The following PRDM12 variants were observed in gnomAD, a reference collection of about 807,000 sequenced individuals.
The protein encoded by PRDM12 is PR/SET domain 12, also known as PR domain zinc finger protein 12.
In PRDM12, 17 loss-of-function variants were observed where a neutral mutation model predicts 29.6. That is an observed-to-expected ratio of 0.57 (90% CI 0.39 to 0.86). The LOEUF is 0.86. Among genes scored for constraint, PRDM12 ranks in the 40% least tolerant of loss-of-function variants. The pLI, the probability that PRDM12 is intolerant of heterozygous loss-of-function variation, is 0.00. For missense variants in PRDM12, 422 were observed against 510.8 expected, an observed-to-expected ratio of 0.83 and a Z score of 1.68; for synonymous variants, 231 against 225.8, an observed-to-expected ratio of 1.02 and a Z score of -0.21.
At chr9:130,666,986 C>T (rs1830740108) in intron 2 of PRDM12, among the ~76,000 whole-genome samples, 188 bp downstream of exon 2, 1 of 152,218 alleles carries the variant, frequency 6.6e-6, no homozygotes. Flanking sequence ...CTAGGCTCCT[C>T]CCAACCCGTG....
At chr9:130,678,379 C>T (rs569090089) in intron 3 of PRDM12, 150 bp from the exon 4 acceptor site, 86 of 599,568 alleles carry the variant, frequency 1.4e-4, no homozygotes, top group African/African-American at 1.3e-3. Context: ...TGCAGCTTCC[C>T]GGGACAGCTC....
intron 3 of PRDM12, among the ~76,000 whole-genome samples, chr9:130,673,342 A>C (rs1830806007): frequency 6.6e-6 from 1 of 152,108 alleles, no homozygotes; most frequent in Non-Finnish European, 1.5e-5. Context: ...TGATAGTAGA[A>C]GTTTGTTGAT....
chr9:130,680,650 TATA>T (rs1830888653), intron 4 of PRDM12, among the ~76,000 whole-genome samples: 2 of 85,056 alleles, frequency 2.4e-5, no homozygotes, highest in African/African-American at 6.0e-5. Context: ...TATATATATA[TATA>T]TATATATTTT....
At chr9:130,672,921 A>C (rs10121842) in intron 3 of PRDM12, among the ~76,000 whole-genome samples, 102,901 of 152,022 alleles carry the variant, frequency 0.68, 35,650 homozygotes, top group East Asian at 0.99. Flanking sequence ...GAAAGTGGGG[A>C]AGGACAGATC....
chr9:130,664,684 C>G lies in PRDM12; in HGVS notation c.31C>G (p.Leu11Val). 1 of 1,605,646 alleles carries G rather than the reference C, an allele frequency of 6.2e-7. No homozygotes were observed. The highest frequency in any genetic ancestry group is 1.1e-5 in the South Asian group (1 of 90,220). ...GGGCTCCGTGCTCCCGGCTGAGGCCCTGGTGCTCAAGACCGGGCTGAAGGC... is the reference window on the plus strand; with the variant it reads ...GGGCTCCGTGCTCCCGGCTGAGGCCGTGGTGCTCAAGACCGGGCTGAAGGC... MMGSVLPAEA[L>V]VLKTGLKAPG... Residue 11 changes from leucine (L) to valine (V), a missense_variant, in exon 1 of 5, where the codon CTG becomes GTG. Around this residue, in one of 5 missense-constraint regions of PRDM12, gnomAD observed 300 missense variants for 350.0 expected, o/e 0.86. Coordinates refer to ENST00000253008, the MANE Select transcript of PRDM12 (RefSeq NM_021619.3). This position sits in a 1 kb window ranked among gnomAD's most constrained non-coding sequence, Gnocchi z 6.4.
intron 3 of PRDM12, among the ~76,000 whole-genome samples, chr9:130,672,547 C>T (rs1464038787): frequency 6.6e-6 from 1 of 152,168 alleles, no homozygotes; most frequent in Admixed American, 6.5e-5. Context: ...CTGTTACTAT[C>T]CTCATTTTTA....
chr9:130,677,085 G>A (rs1337869442), intron 3 of PRDM12, among the ~76,000 whole-genome samples: 2 of 152,168 alleles, frequency 1.3e-5, no homozygotes, highest in Non-Finnish European at 2.9e-5. Flanking sequence ...CACCGCGCCT[G>A]GCTAATTTTT....
At chr9:130,680,659 A>ATATATATATATATATATATTTTTTT in intron 4 of PRDM12, among the ~76,000 whole-genome samples, 1 of 72,172 alleles carries the variant, frequency 1.4e-5, no homozygotes, top group Non-Finnish European at 2.2e-5. Context: ...ATATATATAT[A>ATATATATATATATATATATTTTTTT]TTTTTTTTTT....
At chr9:130,675,445 G>A (rs998842696) in intron 3 of PRDM12, among the ~76,000 whole-genome samples, 3 of 152,182 alleles carry the variant, frequency 2.0e-5, no homozygotes, top group African/African-American at 7.2e-5. Flanking sequence ...GCTGGACACT[G>A]AAGACAGAAC....
intron 1 of PRDM12, among the ~76,000 whole-genome samples, chr9:130,665,209 A>T (rs1003823908): frequency 3.3e-5 from 5 of 151,846 alleles, no homozygotes; most frequent in Admixed American, 3.3e-4. Flanking sequence ...ATAGCAGTTG[A>T]CTCAAAAAGA....
At position 130,668,041 on chromosome 9, in the gene PRDM12, C is replaced by T; in HGVS notation, c.415-117C>T. On this transcript the variant is annotated intron_variant, in intron 2 of 4. Coordinates refer to ENST00000253008, the MANE Select transcript of PRDM12 (RefSeq NM_021619.3). The surrounding 1 kb of genome is among the most constrained non-coding windows in gnomAD (Gnocchi z 4.0). ...TCCTTTCTTCAGTGGGAAAATGAAG[C>T]TTTATCCACTTCCTGGGGCTGTTGT... The T allele has an allele frequency of 1.5e-6, 2 of 1,317,654 alleles. No individual in the cohort carries two copies. Among genetic ancestry groups the T allele is most frequent in the South Asian group, 1.4e-5 (1 of 71,806 alleles). The allele number at this position is 1,317,654 out of a possible 1,614,324, so 81.6% of individuals were successfully genotyped here. A position where few individuals can be genotyped will look rare whatever the true frequency, so the allele number is the denominator to read the frequency against.
At position 130,681,658 on chromosome 9, in the gene PRDM12, A is replaced by G. The variant is rs1344661944; in HGVS notation, c.1093A>G (p.Met365Val). The G allele has an allele frequency of 2.0e-6, 2 of 977,720 alleles. No homozygotes were observed. The highest frequency in any genetic ancestry group is 1.8e-5 in the African/African-American group (1 of 56,006). The allele number at this position is 977,720 out of a possible 1,614,324, so 60.6% of individuals were successfully genotyped here. A position where few individuals can be genotyped will look rare whatever the true frequency, so the allele number is the denominator to read the frequency against. ...AAAAAHHLPAMVL is the reference protein window; with the variant it reads ...AAAAAHHLPAVVL ...CGCCGCCGCGCACCACCTGCCGGCCATGGTGCTGTGAGCGCGCCCGCGCCC... is the reference window on the plus strand; with the variant it reads ...CGCCGCCGCGCACCACCTGCCGGCCGTGGTGCTGTGAGCGCGCCCGCGCCC... The change falls in exon 5 of 5, where the codon ATG becomes GTG. Residue 365 changes from methionine to valine, a missense_variant. Transcript: ENST00000253008. The surrounding 1 kb of genome is among the most constrained non-coding windows in gnomAD (Gnocchi z 8.1).
rs551462017 is a variant in PRDM12 at position 130,665,745 on chromosome 9, C to T, written c.224-863C>T. On this transcript the variant is annotated intron_variant, in intron 1 of 4. Transcript: ENST00000253008. ...CAGCGTGACAAATTGCCCGCCGCGC[C>T]GCAATGGACACCGTTTAACCCCCCC... is the stretch of plus-strand genomic sequence containing the variant. Among the ~76,000 whole-genome samples, 20 of 152,304 alleles carry T rather than the reference C, an allele frequency of 1.3e-4. 1 individual carries two copies. In the South Asian group the frequency reaches 3.9e-3, roughly 30 times the overall value.
rs1308979506 is a variant in PRDM12, at chr9:130,664,778, G to T, written c.125G>T (p.Arg42Leu). Residue 42 changes from arginine (R) to leucine (L), a missense_variant, in exon 1 of 5, where the codon CGC becomes CTC. Coordinates refer to ENST00000253008, the MANE Select transcript of PRDM12 (RefSeq NM_021619.3). The surrounding 1 kb of genome is among the most constrained non-coding windows in gnomAD (Gnocchi z 6.4). ...ILHSFLYGRW[R>L]NVLGEQLFED... Reference sequence around the variant, plus strand: ...CACAGCTTCCTGTACGGCCGCTGGCGCAACGTGCTCGGGGAGCAGCTCTTC... The same window carrying T: ...CACAGCTTCCTGTACGGCCGCTGGCTCAACGTGCTCGGGGAGCAGCTCTTC... The T allele has an allele frequency of 1.2e-6, 2 of 1,605,124 alleles. No individual in the cohort carries two copies. The highest frequency in any genetic ancestry group is 8.5e-7 in the Non-Finnish European group (1 of 1,177,254).
In PRDM12 at chr9:130,682,046, G is replaced by C. The variant is rs964386951; in HGVS notation, c.*377G>C. 1.3e-5 allele frequency: 2 copies of C among 152,224 alleles called. No individual in the cohort carries two copies. Among genetic ancestry groups the C allele is most frequent in the African/African-American group, 4.8e-5 (2 of 41,442 alleles). The allele number at this position is 152,224 out of a possible 1,614,324, so 9.4% of individuals were successfully genotyped here. On this transcript the variant is annotated 3_prime_UTR_variant, in exon 5 of 5. Transcript: ENST00000253008. The surrounding 1 kb of genome is among the most constrained non-coding windows in gnomAD (Gnocchi z 4.2). ...GAGCCCCCGAGGGCCCCTCAGCAGA[G>C]GAAGGGGAGTCCCCTCCTCCGCCAC...
chr9:130,669,279 A>T (rs998463223), intron 3 of PRDM12, among the ~76,000 whole-genome samples: 9 of 152,084 alleles, frequency 5.9e-5, no homozygotes, highest in Admixed American at 1.3e-4. Context: ...GTGAGCCGAG[A>T]TCACGCCACT....
intron 3 of PRDM12, among the ~76,000 whole-genome samples, chr9:130,669,362 C>G (rs11244095): frequency 6.6e-6 from 1 of 151,472 alleles, no homozygotes; most frequent in South Asian, 2.1e-4. Context: ...AATAAAAATA[C>G]AAATACAAAA....
At position 130,668,026 on chromosome 9, in the gene PRDM12, A is replaced by G; in HGVS notation, c.415-132A>G. 1 of 1,224,372 alleles carries G rather than the reference A, an allele frequency of 8.2e-7. No homozygotes were observed. The highest frequency in any genetic ancestry group is 1.5e-5 in the South Asian group (1 of 67,998). The allele number at this position is 1,224,372 out of a possible 1,614,324, so 75.8% of individuals were successfully genotyped here. ...GCACCTCTCCAGCCTTCCTTTCTTCAGTGGGAAAATGAAGCTTTATCCACT... is the reference window on the plus strand; with the variant it reads ...GCACCTCTCCAGCCTTCCTTTCTTCGGTGGGAAAATGAAGCTTTATCCACT... On this transcript the variant is annotated intron_variant, in intron 2 of 4. Transcript: ENST00000253008. The surrounding 1 kb of genome is among the most constrained non-coding windows in gnomAD (Gnocchi z 4.0).
chr9:130,677,318 C>T (rs920462635), intron 3 of PRDM12, among the ~76,000 whole-genome samples: 12 of 152,192 alleles, frequency 7.9e-5, no homozygotes, highest in South Asian at 4.1e-4. Flanking sequence ...ACGTAGTGAA[C>T]GCCAGAGTTC....
Sources: allele counts gnomAD v4.1 joint callset (sites outside exome capture counted in the v4.1 genomes callset), GRCh38; gene constraint gnomAD v4.1.1; regional missense constraint gnomAD v4.1.1; non-coding constraint Gnocchi (gnomAD v3.1); transcripts MANE v1.5; gene names NCBI Gene and HGNC (gene_info 2026-07-23, HGNC 2026-07-21).